The following TAF3 variants were observed in gnomAD, a reference collection of about 807,000 sequenced individuals.
TAF3 encodes transcription initiation factor TFIID subunit 3.
Under a neutral mutation model 80.6 loss-of-function variants are expected in TAF3, and 7 were observed. That is an observed-to-expected ratio of 0.09 (90% CI 0.05 to 0.16). The LOEUF (loss-of-function observed/expected upper bound fraction) is 0.16. TAF3 is among the 10% of genes least tolerant of loss of function. The pLI is 1.00. For missense variants in TAF3, 921 were observed against 1,140.2 expected (o/e 0.81, Z 2.77); for synonymous variants, 444 against 446.1 (o/e 1.00, Z 0.06).
chr10:7,951,013 A>G (rs1349026611), intron 2 of TAF3, among the ~76,000 whole-genome samples: 5 of 152,256 alleles, frequency 3.3e-5, no homozygotes, highest in Non-Finnish European at 2.9e-5. Context: ...TGCATCATTA[A>G]TATCTTAGAT....
chr10:7,862,551 A>C lies in TAF3; in HGVS notation c.409+37991A>C, dbSNP rs931937455. Among the ~76,000 whole-genome samples, 3 of 152,204 alleles carry C rather than the reference A, an allele frequency of 2.0e-5. No individual in the cohort carries two copies. The East Asian group carries it at 5.8e-4, about 29-fold the overall frequency. On this transcript the variant is annotated intron_variant, in intron 2 of 6. Transcript: ENST00000344293. Reference sequence around the variant, plus strand: ...ATAATTTATGTTCAGTAAACTGTACATGTTTATAACATTTTTAAGTTTTGA... The same window carrying C: ...ATAATTTATGTTCAGTAAACTGTACCTGTTTATAACATTTTTAAGTTTTGA...
chr10:7,847,364 G>T (rs1257875452), intron 2 of TAF3, among the ~76,000 whole-genome samples: 1 of 152,198 alleles, frequency 6.6e-6, no homozygotes, highest in Non-Finnish European at 1.5e-5. Context: ...AGACCATCCT[G>T]TTCTGAAAGA....
chr10:7,986,814 A>C (rs1831783387), intron 4 of TAF3, among the ~76,000 whole-genome samples: 1 of 152,216 alleles, frequency 6.6e-6, no homozygotes, highest in Non-Finnish European at 1.5e-5. Context: ...GGAAAAAAGG[A>C]TATGTAGCTA....
chr10:7,831,243 A>G (rs1178041141), intron 2 of TAF3, among the ~76,000 whole-genome samples: 1 of 152,182 alleles, frequency 6.6e-6, no homozygotes, highest in African/African-American at 2.4e-5. Context: ...CCCAGTTTTC[A>G]TGAGAATAAA....
At chr10:7,840,374 G>T (rs2131114157) in intron 2 of TAF3, among the ~76,000 whole-genome samples, 1 of 151,818 alleles carries the variant, frequency 6.6e-6, no homozygotes, top group African/African-American at 2.4e-5. Flanking sequence ...GGATGGTCTC[G>T]ATCTCCTGAC....
intron 2 of TAF3, among the ~76,000 whole-genome samples, chr10:7,930,821 A>G (rs1837861941): frequency 6.6e-6 from 1 of 151,892 alleles, no homozygotes; most frequent in African/African-American, 2.4e-5. Flanking sequence ...GGATATTGCT[A>G]TCTATAATAT....
intron 2 of TAF3, among the ~76,000 whole-genome samples, chr10:7,903,104 C>T (rs1837574703): frequency 6.6e-6 from 1 of 152,078 alleles, no homozygotes; most frequent in Non-Finnish European, 1.5e-5. Context: ...CCCGTGCTCC[C>T]AGCTACTTAG....
intron 2 of TAF3, among the ~76,000 whole-genome samples, chr10:7,955,889 C>G (rs1299321634): frequency 6.6e-6 from 1 of 152,086 alleles, no homozygotes; most frequent in Non-Finnish European, 1.5e-5. Context: ...GTGTCCTGCT[C>G]CCATCAACAT....
intron 1 of TAF3, among the ~76,000 whole-genome samples, chr10:7,823,550 C>T (rs190976267): frequency 8.6e-5 from 13 of 152,028 alleles, no homozygotes; most frequent in South Asian, 2.1e-4. Context: ...AGGGGAAGAT[C>T]GCTTGAGCCT....
chr10:7,973,292 T>C (rs1028607815), intron 3 of TAF3, among the ~76,000 whole-genome samples: 1 of 152,164 alleles, frequency 6.6e-6, no homozygotes, highest in African/African-American at 2.4e-5. Context: ...TAAAGGTAGG[T>C]CAAACAGCTT....
At chr10:7,992,989 C>T (rs553931880) in intron 4 of TAF3, among the ~76,000 whole-genome samples, 2 of 152,216 alleles carry the variant, frequency 1.3e-5, no homozygotes, top group South Asian at 4.1e-4. Context: ...ATAATCACAA[C>T]GTTATTATCA....
At chr10:7,933,316 G>T (rs1262145570) in intron 2 of TAF3, among the ~76,000 whole-genome samples, 2 of 152,180 alleles carry the variant, frequency 1.3e-5, no homozygotes, top group Non-Finnish European at 2.9e-5. Flanking sequence ...AGTGGAAAGA[G>T]TTAGATCACA....
chr10:7,864,516 A>ACAGAT (rs778041714), intron 2 of TAF3, among the ~76,000 whole-genome samples: 2 of 152,232 alleles, frequency 1.3e-5, no homozygotes, highest in South Asian at 2.1e-4. Context: ...TTGCTATACA[A>ACAGAT]CAGATCTCTT....
chr10:7,887,605 A>T (rs796495070), intron 2 of TAF3, among the ~76,000 whole-genome samples: 10 of 152,298 alleles, frequency 6.6e-5, no homozygotes, highest in African/African-American at 2.2e-4. Flanking sequence ...TGAACTGTTT[A>T]GGCAAGATGA....
Position 8,014,884 on chromosome 10 carries a change from G to A in TAF3, c.*133G>A, listed in dbSNP as rs1201714860. 4.0e-6 allele frequency: 3 copies of A among 759,110 alleles called. No individual in the cohort carries two copies. Among genetic ancestry groups the A allele is most frequent in the African/African-American group, 1.8e-5 (1 of 56,224 alleles). 47.0% of individuals were successfully genotyped at this position (759,110 alleles called of 1,614,324 possible). On this transcript the variant is annotated 3_prime_UTR_variant, in exon 7 of 7. Transcript: ENST00000344293. Reference sequence around the variant, plus strand: ...TGGATAAAGAACCCAGGAGGACTGAGGCTGGAACACACCGCGCACCTGGAT... The same window carrying A: ...TGGATAAAGAACCCAGGAGGACTGAAGCTGGAACACACCGCGCACCTGGAT...
intron 2 of TAF3, among the ~76,000 whole-genome samples, chr10:7,838,851 A>G (rs1836879605): frequency 6.8e-6 from 1 of 147,468 alleles, no homozygotes; most frequent in Non-Finnish European, 1.5e-5. Flanking sequence ...CTGGAGTTCC[A>G]GGGTCTGGGG....
In TAF3 at chr10:8,008,964, G is replaced by A. The variant is rs930063225; in HGVS notation, c.2316-114G>A. On this transcript the variant is annotated intron_variant, in intron 4 of 6. Transcript: ENST00000344293. ...CTCAGTTCTTGAGCTGCCTCTAGACGTTGAAGTATTTCGCTACTGGAAGAA... is the reference window on the plus strand; with the variant it reads ...CTCAGTTCTTGAGCTGCCTCTAGACATTGAAGTATTTCGCTACTGGAAGAA... 53 of 1,410,774 alleles carry A rather than the reference G, an allele frequency of 3.8e-5. 2 individuals carry two copies. In the South Asian group the frequency reaches 6.1e-4, roughly 16 times the overall value. 87.4% of individuals were successfully genotyped at this position (1,410,774 alleles called of 1,614,324 possible).
At chr10:7,972,859 G>C (rs1004242646) in intron 3 of TAF3, among the ~76,000 whole-genome samples, 5 of 152,094 alleles carry the variant, frequency 3.3e-5, no homozygotes, top group Admixed American at 1.3e-4. Context: ...GCCTCCCATG[G>C]AGAACAAAAT....
At chr10:7,868,212 T>TAGAA (rs1324607579) in intron 2 of TAF3, among the ~76,000 whole-genome samples, 2 of 152,160 alleles carry the variant, frequency 1.3e-5, no homozygotes, top group Non-Finnish European at 2.9e-5. Context: ...ATAAGAATAA[T>TAGAA]AGAAAGTCAT....
Sources: allele counts gnomAD v4.1 joint callset (sites outside exome capture counted in the v4.1 genomes callset), GRCh38; gene constraint gnomAD v4.1.1; transcripts MANE v1.5; gene names NCBI Gene and HGNC (gene_info 2026-07-23, HGNC 2026-07-21).